RIF1: variants seen among roughly 807,000 people sequenced by gnomAD.
RIF1 encodes telomere-associated protein RIF1.
RIF1 carries 45 observed loss-of-function variants against 247.1 expected under a neutral mutation model. The observed-to-expected ratio is 0.18, with a 90% CI of 0.14 to 0.23. The LOEUF (loss-of-function observed/expected upper bound fraction) is 0.23, where lower values mean the gene tolerates loss of function less well. RIF1 is among the 10% of genes least tolerant of loss of function. The probability of loss-of-function intolerance (pLI) is 1.00; values close to 1 mark genes in which losing one functional copy is unlikely to be tolerated. For synonymous variants in RIF1, 1,087 were observed against 978.8 expected (o/e 1.11, Z -2.06); for missense variants, 2,967 against 2,862.5 (o/e 1.04, Z -0.83).
At chr2:151,525,143 T>G in the RIF1 span, 1 of 1,553,418 alleles carries the variant, frequency 6.4e-7, no homozygotes, top group Non-Finnish European at 8.9e-7. Flanking sequence ...CCCCCAAGAG[T>G]GTTGAGAGGG....
At chr2:151,446,134 G>A (rs1220800255) in intron 19 of RIF1, among the ~76,000 whole-genome samples, 5 of 152,014 alleles carry the variant, frequency 3.3e-5, no homozygotes, top group African/African-American at 1.2e-4. Flanking sequence ...AGCCTCCCGA[G>A]TAGCTGGGAT....
intron 20 of RIF1, among the ~76,000 whole-genome samples, chr2:151,448,236 G>T (rs1338947228): frequency 6.6e-6 from 1 of 151,976 alleles, no homozygotes; most frequent in Non-Finnish European, 1.5e-5. Context: ...TAGAGAGGGG[G>T]TTTCACCGTG....
rs2060032030 is a variant in RIF1 at position 151,496,169 on chromosome 2, A to G, written c.*513+843A>G. On this transcript the variant is annotated intron_variant and NMD_transcript_variant, in intron 10 of 13. Transcript: ENST00000454583. ...AGGGTAAATTTGCTAAAGAAATTTC[A>G]CAAAATTTAAGTTGTCTTTAAAAAG... 3 of 1,267,866 alleles carry G rather than the reference A, an allele frequency of 2.4e-6. No homozygotes were observed. The African/African-American group carries it at 4.5e-5, about 19-fold the overall frequency. 78.5% of individuals were successfully genotyped at this position (1,267,866 alleles called of 1,614,324 possible).
At chr2:151,411,145 C>G in intron 2 of RIF1, 115 bp from the exon 3 acceptor site, 1 of 665,954 alleles carries the variant, frequency 1.5e-6, no homozygotes, top group Admixed American at 2.8e-5. Flanking sequence ...CCTACTGGGT[C>G]AATTCATTTG....
In RIF1 at chr2:151,466,099, A is replaced by G. The variant is rs1365255389; in HGVS notation, c.6579A>G (p.Glu2193=). 1 of 1,587,804 alleles carries G rather than the reference A, an allele frequency of 6.3e-7. No individual in the cohort carries two copies. Among genetic ancestry groups the G allele is most frequent in the Admixed American group, 1.8e-5 (1 of 56,832 alleles). The part of the protein sequence containing the change: ...KRGLKRSQED[E]ISSPVNKVRR... ...GACTAAAAAGATCCCAAGAAGATGA[A>G]ATCTCATCACCTGTTAATAAGGTAA... Residue 2193 remains glutamate (E), a synonymous_variant, in exon 30 of 36, where the codon GAA becomes GAG. Coordinates refer to ENST00000444746, the MANE Select transcript of RIF1 (RefSeq NM_018151.5).
Position 151,416,552 on chromosome 2 carries a change from G to A in RIF1, c.281-9G>A. The A allele has an allele frequency of 6.3e-7, 1 of 1,581,512 alleles. No homozygotes were observed. Among genetic ancestry groups the A allele is most frequent in the Non-Finnish European group, 8.6e-7 (1 of 1,168,952 alleles). ...ATTCTATACAAAATTAAAACTGCTT[G>A]TTTTTCAGAGGCAAATGCTCTAGAA... On this transcript the variant is annotated splice_polypyrimidine_tract_variant and intron_variant, in intron 4 of 35. Coordinates refer to ENST00000444746, the MANE Select transcript of RIF1 (RefSeq NM_018151.5).
chr2:151,509,191 T>C (rs2071891491), downstream of RIF1, among the ~76,000 whole-genome samples: 1 of 152,196 alleles, frequency 6.6e-6, no homozygotes, highest in Non-Finnish European at 1.5e-5. Flanking sequence ...ATGAGAGATG[T>C]AGGCCTAGAT....
intron 10 of RIF1, chr2:151,498,446 G>GTTAAA: frequency 1.3e-6 from 1 of 795,670 alleles, no homozygotes; most frequent in Non-Finnish European, 2.0e-6. Context: ...GGGAGGAAGA[G>GTTAAA]AGTAAGTTAG....
rs772648622 is a variant in RIF1, at chr2:151,446,518, G to A, written c.2187G>A (p.Leu729=). ...TGGTGGCAACAGCAGAAGAGAACTT[G>A]TGCTGTGAGGAACTTTCTTCCAAGA... is the stretch of plus-strand genomic sequence containing the variant. ...AALVATAEEN[L]CCEELSSKIM... The change falls in exon 20 of 36, where the codon TTG becomes TTA. Residue 729 remains leucine (L), a synonymous_variant. Coordinates refer to ENST00000444746, the MANE Select transcript of RIF1 (RefSeq NM_018151.5). 3 of 1,613,302 alleles carry A rather than the reference G, an allele frequency of 1.9e-6. No individual in the cohort carries two copies. The highest frequency in any genetic ancestry group is 2.2e-5 in the South Asian group (2 of 90,852).
rs527838552 is a variant in RIF1, at chr2:151,471,660, G to T, written c.7095+1796G>T. 2.0e-4 allele frequency among the ~76,000 whole-genome samples: 30 copies of T among 152,204 alleles called. No individual in the cohort carries two copies. The South Asian group carries it at 3.3e-3, about 17-fold the overall frequency. On this transcript the variant is annotated intron_variant, in intron 34 of 35. Coordinates refer to ENST00000444746, the MANE Select transcript of RIF1 (RefSeq NM_018151.5). The stretch of plus-strand genomic sequence containing the variant: ...CCCATTTCTTGTTTTTGTCAGGTTT[G>T]TCAAAGACCAGATGGTTGTAGCTGT...
Position 151,416,971 on chromosome 2 carries a change from G to A in RIF1, c.503+70G>A, listed in dbSNP as rs543066625. ...ATTTAGCTGAAGGAGAGGGTTTTTG[G>A]GATTTAAATGAGAGACAGACATTAA... On this transcript the variant is annotated intron_variant, in intron 6 of 35. Coordinates refer to ENST00000444746, the MANE Select transcript of RIF1 (RefSeq NM_018151.5). 4.9e-5 allele frequency: 59 copies of A among 1,192,596 alleles called. No individual in the cohort carries two copies. The East Asian group carries it at 1.4e-3, about 28-fold the overall frequency. 73.9% of individuals were successfully genotyped at this position (1,192,596 alleles called of 1,614,324 possible).
intron 9 of RIF1, chr2:151,489,825 T>C: frequency 2.0e-6 from 1 of 503,476 alleles, no homozygotes; most frequent in Non-Finnish European, 3.5e-6. Flanking sequence ...TTTTCTGATA[T>C]CATTAATATG....
downstream of RIF1, among the ~76,000 whole-genome samples, chr2:151,509,569 C>T (rs1042409298): frequency 3.9e-5 from 6 of 151,982 alleles, no homozygotes; most frequent in African/African-American, 4.8e-5. Flanking sequence ...TGCTATTTCT[C>T]GTGGCCCAAT....
At chr2:151,437,169 A>G in intron 12 of RIF1, 72 bp from the exon 13 acceptor site, 2 of 1,309,056 alleles carry the variant, frequency 1.5e-6, no homozygotes, top group Non-Finnish European at 2.2e-6. Flanking sequence ...AGACATTTTA[A>G]AGTTTTATAG....
downstream of RIF1, chr2:151,486,007 A>T: frequency 6.8e-7 from 1 of 1,464,378 alleles, no homozygotes; most frequent in Non-Finnish European, 9.4e-7. Flanking sequence ...TATTTGTAAG[A>T]TCTCTCATGA....
intron 34 of RIF1, among the ~76,000 whole-genome samples, chr2:151,473,292 CTTTTTTTTTTT>C (rs11305289): frequency 2.4e-5 from 3 of 125,960 alleles, no homozygotes; most frequent in South Asian, 5.1e-4. Context: ...AAATTGTATC[CTTTTTTTTTTT>C]TTTTTTTTTT....
downstream of RIF1, chr2:151,508,146 C>A: frequency 6.9e-7 from 1 of 1,447,866 alleles, no homozygotes; most frequent in Non-Finnish European, 9.6e-7. Context: ...AGGGTAAACA[C>A]CACAGGGATA....
In RIF1 at chr2:151,463,006, T is replaced by A. The variant is rs748703005; in HGVS notation, c.3486T>A (p.Ser1162Arg). 6.2e-7 allele frequency: 1 copy of A among 1,613,824 alleles called. No individual in the cohort carries two copies. Among genetic ancestry groups the A allele is most frequent in the South Asian group, 1.1e-5 (1 of 91,076 alleles). ...AGTGTGGTTCTCTTGACAAAACCAG[T>A]CCAGAAATGTCAAACAGTAATAATG... is the stretch of plus-strand genomic sequence containing the variant. Reference protein sequence around the residue: ...NNECGSLDKTSPEMSNSNNDE... With the variant: ...NNECGSLDKTRPEMSNSNNDE... The change falls in exon 30 of 36, where the codon AGT (serine) becomes AGA (arginine). Residue 1162 changes from serine (S) to arginine (R), a missense_variant. Physicochemically the swap from Ser to Arg is moderately radical, Grantham distance 110. Coordinates refer to ENST00000444746, the MANE Select transcript of RIF1 (RefSeq NM_018151.5).
At chr2:151,452,334 G>C (rs1694453687) in intron 21 of RIF1, among the ~76,000 whole-genome samples, 1 of 152,180 alleles carries the variant, frequency 6.6e-6, no homozygotes, top group Non-Finnish European at 1.5e-5. Flanking sequence ...ATTGAAGTCA[G>C]ATATATCCAC....
Sources: allele counts gnomAD v4.1 joint callset (sites outside exome capture counted in the v4.1 genomes callset), GRCh38; gene constraint gnomAD v4.1.1; transcripts MANE v1.5; gene names NCBI Gene and HGNC (gene_info 2026-07-23, HGNC 2026-07-21).